ITGB5: variants seen among roughly 807,000 people sequenced by gnomAD.
ITGB5 encodes the protein integrin beta-5.
A neutral mutation model predicts 84.8 loss-of-function variants in ITGB5; 38 were observed. The observed-to-expected ratio is 0.45, with a 90% CI of 0.35 to 0.59. The LOEUF is 0.59. Among genes scored for constraint, ITGB5 ranks in the 20% least tolerant of loss-of-function variants. ITGB5 has a pLI of 0.01. For missense variants in ITGB5, 905 were observed against 1,034.5 expected (o/e 0.87, Z 1.72); for synonymous variants, 393 against 414.4 (o/e 0.95, Z 0.63).
chr3:124,851,431 A>C (rs569497008), intron 3 of ITGB5, among the ~76,000 whole-genome samples: 80 of 152,356 alleles, frequency 5.3e-4, no homozygotes, highest in African/African-American at 1.8e-3. Context: ...CCTGCCAGCA[A>C]CTTGAATTTC....
chr3:124,797,454 C>A (rs933314625), intron 9 of ITGB5, among the ~76,000 whole-genome samples: 1 of 152,162 alleles, frequency 6.6e-6, no homozygotes, highest in African/African-American at 2.4e-5. Context: ...TCCCCCCATG[C>A]CCCTGAGGTC....
upstream of ITGB5, chr3:124,887,881 C>T (rs1934903246): frequency 8.2e-6 from 2 of 244,500 alleles, no homozygotes; most frequent in African/African-American, 2.3e-5. Flanking sequence ...CGTGGTGGGG[C>T]GTGGAGGCAC....
chr3:124,815,111 C>G (rs1238199620), intron 8 of ITGB5, among the ~76,000 whole-genome samples: 3 of 152,236 alleles, frequency 2.0e-5, no homozygotes, highest in Non-Finnish European at 4.4e-5. Context: ...GGGCTAAGCA[C>G]TTATGAGATC....
chr3:124,891,170 G>C (rs2107659395), upstream of ITGB5, among the ~76,000 whole-genome samples: 1 of 152,246 alleles, frequency 6.6e-6, no homozygotes. Flanking sequence ...ATGAGTTCAA[G>C]AATTAAATAT....
chr3:124,806,951 A>G (rs1159939878), intron 9 of ITGB5, among the ~76,000 whole-genome samples: 1 of 152,188 alleles, frequency 6.6e-6, no homozygotes, highest in Admixed American at 6.5e-5. Flanking sequence ...ATGTAAAATA[A>G]TATTAATTAT....
At chr3:124,886,828 T>G in intron 1 of ITGB5, 103 bp downstream of exon 1, 1 of 676,202 alleles carries the variant, frequency 1.5e-6, no homozygotes, top group South Asian at 7.3e-5. Flanking sequence ...GAAGGCGCCC[T>G]CCGCCCTCAG....
intron 9 of ITGB5, among the ~76,000 whole-genome samples, chr3:124,808,409 C>T (rs1277686860): frequency 5.3e-5 from 8 of 152,314 alleles, no homozygotes; most frequent in African/African-American, 1.4e-4. Flanking sequence ...CCTCTGTGCC[C>T]GTGTCTGTGT....
intron 2 of ITGB5, among the ~76,000 whole-genome samples, chr3:124,872,952 T>A (rs1934129223): frequency 6.6e-6 from 1 of 152,114 alleles, no homozygotes; most frequent in South Asian, 2.1e-4. Flanking sequence ...CAAACCTATA[T>A]CTCTTTCTAA....
At chr3:124,788,694 G>C (rs2064116618) in intron 10 of ITGB5, among the ~76,000 whole-genome samples, 1 of 152,206 alleles carries the variant, frequency 6.6e-6, no homozygotes, top group Non-Finnish European at 1.5e-5. Context: ...CTGCCTGGGG[G>C]CTTCCTTTGG....
intron 10 of ITGB5, among the ~76,000 whole-genome samples, chr3:124,780,291 AGAGGGCTAGCAGGACC>A (rs2063985539): frequency 1.3e-5 from 2 of 152,208 alleles, no homozygotes; most frequent in African/African-American, 4.8e-5. Context: ...GGGTGACCGC[AGAGGGCTAGCAGGACC>A]GCAGTGGGGC....
At chr3:124,778,355 G>T (rs2063954296) in intron 10 of ITGB5, among the ~76,000 whole-genome samples, 1 of 152,208 alleles carries the variant, frequency 6.6e-6, no homozygotes, top group African/African-American at 2.4e-5. Context: ...GTGCTTGTGT[G>T]GGCTATGGGC....
intron 11 of ITGB5, among the ~76,000 whole-genome samples, chr3:124,772,897 TTCTC>T (rs948876068): frequency 3.3e-5 from 5 of 151,666 alleles, no homozygotes; most frequent in Non-Finnish European, 7.4e-5. Context: ...TCGGGTGCCT[TTCTC>T]TCCAATTTAC....
chr3:124,891,222 C>G (rs1021715396), upstream of ITGB5, among the ~76,000 whole-genome samples: 1 of 152,114 alleles, frequency 6.6e-6, no homozygotes. Flanking sequence ...CTGGGTATAT[C>G]CTCCAAAAAA....
At chr3:124,888,711 A>C (rs909852404), upstream of ITGB5, among the ~76,000 whole-genome samples, 2 of 152,220 alleles carry the variant, frequency 1.3e-5, no homozygotes, top group Admixed American at 1.3e-4. Context: ...AAAGTGCAGC[A>C]TGGCTTGGCT....
intron 10 of ITGB5, 112 bp from the exon 11 acceptor site, chr3:124,774,024 C>G: frequency 1.0e-6 from 1 of 954,436 alleles, no homozygotes; most frequent in South Asian, 1.6e-5. Flanking sequence ...GGAACACCAA[C>G]TCTGCCCTCA....
intron 10 of ITGB5, among the ~76,000 whole-genome samples, chr3:124,793,699 T>G (rs1487716616): frequency 6.6e-6 from 1 of 152,268 alleles, no homozygotes; most frequent in African/African-American, 2.4e-5. Context: ...CCTCCTGCTA[T>G]GGAGCCCAAA....
chr3:124,763,752 C>T, intron 14 of ITGB5, 34 bp from the exon 15 acceptor site: 4 of 1,262,272 alleles, frequency 3.2e-6, no homozygotes, highest in Non-Finnish European at 4.6e-6. Flanking sequence ...GATGAGGACA[C>T]ATGTTAGCTC....
chr3:124,785,094 G>T (rs994958759), intron 10 of ITGB5, among the ~76,000 whole-genome samples: 9 of 152,220 alleles, frequency 5.9e-5, no homozygotes, highest in African/African-American at 2.2e-4. Context: ...AGGGTTAGGG[G>T]AGGTAGACGT....
chr3:124,853,126 T>C (rs1253492462), intron 3 of ITGB5, among the ~76,000 whole-genome samples: 1 of 152,224 alleles, frequency 6.6e-6, no homozygotes, highest in East Asian at 1.9e-4. Context: ...ATAAAGACCT[T>C]TGCCATCCCA....
Sources: gnomAD v4.1 joint callset for allele counts (sites outside exome capture counted in the v4.1 genomes callset) on GRCh38, gnomAD v4.1.1 for gene constraint, MANE v1.5 for transcripts, NCBI Gene and HGNC (gene_info 2026-07-23, HGNC 2026-07-21) for gene names.